The following DPH6 variants were observed in gnomAD, a reference collection of about 807,000 sequenced individuals.
DPH6 encodes the protein diphthine--ammonia ligase.
In DPH6, 33 loss-of-function variants were observed where a neutral mutation model predicts 38.2. The observed-to-expected ratio is 0.86, with a 90% CI of 0.65 to 1.15. The LOEUF is 1.15. Ranked by LOEUF, DPH6 falls within the 50% of genes most tolerant of loss-of-function variation. The pLI is 0.00. For synonymous variants in DPH6, 108 were observed against 103.0 expected, an observed-to-expected ratio of 1.05 and a Z score of -0.30; for missense variants, 325 against 320.0, an observed-to-expected ratio of 1.02 and a Z score of -0.12.
chr15:35,412,924 T>A (rs955839492), intron 5 of DPH6, among the ~76,000 whole-genome samples: 1 of 151,658 alleles, frequency 6.6e-6, no homozygotes, highest in African/African-American at 2.4e-5. Flanking sequence ...TTATTATACA[T>A]CTGTCGAAGC....
chr15:35,259,074 G>A (rs1183495883), intron 3 of DPH6, among the ~76,000 whole-genome samples: 2 of 151,712 alleles, frequency 1.3e-5, no homozygotes, highest in African/African-American at 4.9e-5. Context: ...GAACCCAGGA[G>A]GTGGAGGTTG....
chr15:35,159,070 T>C, the DPH6 span, among the ~76,000 whole-genome samples: 1 of 152,130 alleles, frequency 6.6e-6, no homozygotes, highest in Non-Finnish European at 1.5e-5. Context: ...TCTAAGCTGG[T>C]GTTTCACACC....
chr15:35,319,955 A>C (rs577907290), intron 3 of DPH6, among the ~76,000 whole-genome samples: 2 of 152,244 alleles, frequency 1.3e-5, no homozygotes, highest in East Asian at 3.9e-4. Context: ...TGTTAAGCAT[A>C]ACAAATTCTT....
At chr15:35,401,301 T>C (rs1210292737) in intron 6 of DPH6, 1 of 847,172 alleles carries the variant, frequency 1.2e-6, no homozygotes, top group East Asian at 2.4e-5. Context: ...ACAACTTTGG[T>C]AGTGGAGGAA....
chr15:35,403,233 C>T (rs1211338523), intron 6 of DPH6, among the ~76,000 whole-genome samples: 2 of 151,934 alleles, frequency 1.3e-5, no homozygotes, highest in Admixed American at 6.6e-5. Context: ...TACTTGCTTT[C>T]TTTCACTTGA....
At chr15:35,301,865 T>C (rs2052056673) in intron 3 of DPH6, among the ~76,000 whole-genome samples, 1 of 151,924 alleles carries the variant, frequency 6.6e-6, no homozygotes, top group Admixed American at 6.6e-5. Context: ...TCCCAGCCAC[T>C]TGGGAGGCTG....
In DPH6 at chr15:35,292,364, A is replaced by T. The variant is rs117447915; in HGVS notation, n.201-71782T>A. The stretch of plus-strand genomic sequence containing the variant: ...AAAGAGAGGATTCAGTAGATCAATG[A>T]TCTACTCTTGGTTACTCTGAAAGAT... On this transcript the variant is annotated intron_variant and non_coding_transcript_variant, in intron 3 of 3. Coordinates refer to the DPH6 transcript ENST00000560386. 5.0e-3 allele frequency among the ~76,000 whole-genome samples: 766 copies of T among 152,248 alleles called. 6 individuals carry two copies. Among genetic ancestry groups the T allele is most frequent in the Middle Eastern group, 0.014 (4 of 294 alleles).
At chr15:35,516,167 AAGG>A (rs1161049026) in intron 3 of DPH6, among the ~76,000 whole-genome samples, 1 of 152,210 alleles carries the variant, frequency 6.6e-6, no homozygotes, top group Non-Finnish European at 1.5e-5. Flanking sequence ...AAGACAAAAC[AAGG>A]AGTAGTAGAA....
chr15:35,411,186 A>G (rs557048041), intron 5 of DPH6, among the ~76,000 whole-genome samples: 1 of 151,834 alleles, frequency 6.6e-6, no homozygotes, highest in East Asian at 1.9e-4. Context: ...GTAATTAGAT[A>G]GAAAAAAAGA....
chr15:35,305,703 G>A (rs1359532064), intron 3 of DPH6, among the ~76,000 whole-genome samples: 2 of 152,024 alleles, frequency 1.3e-5, no homozygotes, highest in Non-Finnish European at 2.9e-5. Flanking sequence ...CTCTAATAAA[G>A]ATCAGTTACA....
intron 3 of DPH6, among the ~76,000 whole-genome samples, chr15:35,288,727 G>A (rs991828683): frequency 1.3e-5 from 2 of 152,138 alleles, no homozygotes; most frequent in African/African-American, 2.4e-5. Context: ...CCTGCATTAT[G>A]TGCTTCATGC....
At chr15:35,285,923 A>G (rs2051940984) in intron 3 of DPH6, among the ~76,000 whole-genome samples, 1 of 113,586 alleles carries the variant, frequency 8.8e-6, no homozygotes, top group Admixed American at 1.1e-4. Context: ...AAAGAATCCT[A>G]AAGAAATAAC....
At chr15:35,423,447 T>C (rs923783491) in intron 5 of DPH6, among the ~76,000 whole-genome samples, 1 of 151,794 alleles carries the variant, frequency 6.6e-6, no homozygotes, top group Non-Finnish European at 1.5e-5. Context: ...AAATGTTAAC[T>C]CCTTAACATA....
At chr15:35,347,412 A>G (rs2052472043) in intron 3 of DPH6, among the ~76,000 whole-genome samples, 1 of 150,462 alleles carries the variant, frequency 6.6e-6, no homozygotes, top group South Asian at 2.1e-4. Flanking sequence ...TAGGCCTCCC[A>G]AAGTGCTGGA....
At position 35,241,144 on chromosome 15, in the gene DPH6, T is replaced by C. The variant is rs1164279297; in HGVS notation, n.201-20562A>G. On this transcript the variant is annotated intron_variant and non_coding_transcript_variant, in intron 3 of 3. Transcript: ENST00000560386. ...TGCGGGACCCCACTGGAAATCGCAC[T>C]GTCCAACTCACCTGGCAGCCACTCC... Among the ~76,000 whole-genome samples, 13 of 143,312 alleles carry C rather than the reference T, an allele frequency of 9.1e-5. 1 individual carries two copies. The highest frequency in any genetic ancestry group is 2.0e-4 in the Non-Finnish European group (13 of 65,362). 94.0% of individuals were successfully genotyped at this position (143,312 alleles called of 152,430 possible).
chr15:35,496,567 A>AAAAAAAAAAAAAAAAAAAAAATAT lies in DPH6; in HGVS notation c.312+41706_312+41707insATATTTTTTTTTTTTTTTTTTTTT. On this transcript the variant is annotated intron_variant, in intron 3 of 8. Coordinates refer to ENST00000256538, the MANE Select transcript of DPH6 (RefSeq NM_080650.4). ...GAAAGTTCCATCTCAAAAAAAAAAA[A>AAAAAAAAAAAAAAAAAAAAAATAT]ATATATATATATATATATATATATC... Among the ~76,000 whole-genome samples the AAAAAAAAAAAAAAAAAAAAAATAT allele has an allele frequency of 7.4e-4, 23 of 31,004 alleles. 1 individual carries two copies. Among genetic ancestry groups the AAAAAAAAAAAAAAAAAAAAAATAT allele is most frequent in the African/African-American group, 3.2e-3 (23 of 7,286 alleles). 20.3% of individuals were successfully genotyped at this position (31,004 alleles called of 152,430 possible).
chr15:35,237,397 GGACAACAGTCGGTC>G, intron 3 of DPH6: 1 of 1,604,484 alleles, frequency 6.2e-7, no homozygotes, highest in African/African-American at 1.3e-5. Context: ...AACTTGTCCT[GGACAACAGTCGGTC>G]GAATGAAGGC....
chr15:35,195,831 C>T, the DPH6 span, among the ~76,000 whole-genome samples: 1 of 147,894 alleles, frequency 6.8e-6, no homozygotes, highest in African/African-American at 2.5e-5. Context: ...CTCCTGGGTG[C>T]TGCCAGTGGC....
At chr15:35,483,371 G>C (rs2054353420) in intron 3 of DPH6, among the ~76,000 whole-genome samples, 1 of 151,956 alleles carries the variant, frequency 6.6e-6, no homozygotes, top group South Asian at 2.1e-4. Context: ...GGCTGAGGCA[G>C]GAGAATTGCT....
Sources: gnomAD v4.1 joint callset for allele counts (sites outside exome capture counted in the v4.1 genomes callset) on GRCh38, gnomAD v4.1.1 for gene constraint, MANE v1.5 for transcripts, NCBI Gene and HGNC (gene_info 2026-07-23, HGNC 2026-07-21) for gene names.